The following ACTL8 variants were observed in gnomAD, a reference collection of about 807,000 sequenced individuals.
ACTL8 encodes actin-like protein 8.
In ACTL8, 3 loss-of-function variants were observed where a neutral mutation model predicts 9.3. That is an observed-to-expected ratio of 0.32 (90% CI 0.15 to 0.83). ACTL8 has a LOEUF of 0.83. ACTL8 is among the 40% of genes least tolerant of loss of function. The pLI is 0.57. For missense variants in ACTL8, 381 were observed against 492.2 expected (o/e 0.77, Z 2.14); for synonymous variants, 224 against 205.9 (o/e 1.09, Z -0.75).
At chr1:17,811,938 G>C (rs2066395684) in intron 1 of ACTL8, among the ~76,000 whole-genome samples, 1 of 151,350 alleles carries the variant, frequency 6.6e-6, no homozygotes, top group Non-Finnish European at 1.5e-5. Context: ...TCTGATGTCA[G>C]CTCACTGCAG....
At position 17,825,542 on chromosome 1, in the gene ACTL8, T is replaced by C. The variant is rs910734012; in HGVS notation, c.349-225T>C. Among the ~76,000 whole-genome samples, 34 of 152,330 alleles carry C rather than the reference T, an allele frequency of 2.2e-4. 1 individual carries two copies. The highest frequency in any genetic ancestry group is 2.0e-3 in the Admixed American group (30 of 15,310). ...TCTCACCTCTTCACCGAAGTGGTCT[T>C]CTGAACAGCCACGACCAGACAAGCT... On this transcript the variant is annotated intron_variant, in intron 2 of 2. Transcript: ENST00000375406.
At position 17,823,360 on chromosome 1, in the gene ACTL8, A is replaced by T. The variant is rs771216444; in HGVS notation, c.348+4A>T. Reference sequence around the variant, plus strand: ...GGACCGAAAGAAGATGCTGGAGGTGAGGCCTGCCGGGGCCTGCTCCCACTC... The same window carrying T: ...GGACCGAAAGAAGATGCTGGAGGTGTGGCCTGCCGGGGCCTGCTCCCACTC... On this transcript the variant is annotated splice_donor_region_variant and intron_variant, in intron 2 of 2. Transcript: ENST00000375406. The surrounding 1 kb of genome is among the most constrained non-coding windows in gnomAD (Gnocchi z 5.3). 2 of 1,609,880 alleles carry T rather than the reference A, an allele frequency of 1.2e-6. No individual in the cohort carries two copies. Among genetic ancestry groups the T allele is most frequent in the East Asian group, 4.5e-5 (2 of 44,826 alleles).
At chr1:17,812,827 T>A (rs1301287802) in intron 1 of ACTL8, among the ~76,000 whole-genome samples, 2 of 152,152 alleles carry the variant, frequency 1.3e-5, no homozygotes, top group African/African-American at 2.4e-5. Flanking sequence ...ATTTATTTCA[T>A]CAGTATTTTG....
chr1:17,798,558 C>T (rs904750606), intron 1 of ACTL8, among the ~76,000 whole-genome samples: 2 of 152,148 alleles, frequency 1.3e-5, no homozygotes, highest in Non-Finnish European at 2.9e-5. Flanking sequence ...CTTGGGAGTT[C>T]TGTTTTAAGA....
rs3063168 is a variant in ACTL8, at chr1:17,796,306, CTGTG to C, written c.-24-26651_-24-26648del. Reference sequence around the variant, plus strand: ...AGGATGGCTCTGTGCATGCGTGCACCTGTGTGTGTGTGTGTGTGTGTGTGTGTGT... The same window carrying C: ...AGGATGGCTCTGTGCATGCGTGCACCTGTGTGTGTGTGTGTGTGTGTGTGT... On this transcript the variant is annotated intron_variant, in intron 1 of 2. Transcript: ENST00000375406. 1.3e-3 allele frequency among the ~76,000 whole-genome samples: 193 copies of C among 148,050 alleles called. 1 individual carries two copies. Among genetic ancestry groups the C allele is most frequent in the African/African-American group, 4.4e-3 (179 of 40,254 alleles).
At chr1:17,816,067 C>T (rs1482501198) in intron 1 of ACTL8, among the ~76,000 whole-genome samples, 1 of 152,156 alleles carries the variant, frequency 6.6e-6, no homozygotes, top group Non-Finnish European at 1.5e-5. Context: ...GTTAACACAT[C>T]CATTACCTCT....
At chr1:17,802,849 G>C (rs147268763) in intron 1 of ACTL8, among the ~76,000 whole-genome samples, 6,585 of 152,142 alleles carry the variant, frequency 0.043, 492 homozygotes, top group African/African-American at 0.15. Context: ...GCTGGGCGTG[G>C]TGGTGGGCAC....
intron 1 of ACTL8, among the ~76,000 whole-genome samples, chr1:17,796,604 C>G (rs767376645): frequency 3.3e-5 from 5 of 152,194 alleles, no homozygotes; most frequent in African/African-American, 7.2e-5. Context: ...CCCTCCACCC[C>G]CTCTGGGGTA....
chr1:17,784,854 C>T (rs1473552557), intron 1 of ACTL8, among the ~76,000 whole-genome samples: 3 of 152,096 alleles, frequency 2.0e-5, no homozygotes, highest in Admixed American at 6.5e-5. Context: ...AAGACATACC[C>T]GAGACTTGGC....
intron 1 of ACTL8, among the ~76,000 whole-genome samples, chr1:17,803,970 T>C (rs1009449115): frequency 6.2e-4 from 94 of 152,338 alleles, no homozygotes; most frequent in African/African-American, 2.2e-3. Context: ...GGTCCTCATA[T>C]GGCCTAAGTG....
At chr1:17,772,758 C>T (rs746907627) in intron 1 of ACTL8, among the ~76,000 whole-genome samples, 5 of 152,180 alleles carry the variant, frequency 3.3e-5, no homozygotes, top group South Asian at 4.1e-4. Context: ...GTAAGTCCCA[C>T]GTGCTCTGGA....
chr1:17,796,897 C>A (rs897016769), intron 1 of ACTL8, among the ~76,000 whole-genome samples: 1 of 152,240 alleles, frequency 6.6e-6, no homozygotes, highest in African/African-American at 2.4e-5. Flanking sequence ...AGCACCGGCA[C>A]TGCCGTGGCA....
At chr1:17,805,428 C>T (rs544295584) in intron 1 of ACTL8, among the ~76,000 whole-genome samples, 2 of 139,776 alleles carry the variant, frequency 1.4e-5, no homozygotes, top group East Asian at 2.1e-4. Context: ...CTCTGTCACC[C>T]AGGCTGGAGT....
At position 17,767,352 on chromosome 1, in the gene ACTL8, A is replaced by C. The variant is rs1034344862; in HGVS notation, c.-25+11848A>C. Among the ~76,000 whole-genome samples the C allele has an allele frequency of 6.6e-6, 1 of 151,976 alleles. No homozygotes were observed. The highest frequency in any genetic ancestry group is 1.5e-5 in the Non-Finnish European group (1 of 67,958). On this transcript the variant is annotated intron_variant, in intron 1 of 2. Coordinates refer to ENST00000375406, the MANE Select transcript of ACTL8 (RefSeq NM_030812.3). This position sits in a 1 kb window ranked among gnomAD's most constrained non-coding sequence, Gnocchi z 4.7. Reference sequence around the variant, plus strand: ...GGGATGAGGCGGAGGCAGGGGGGCCAGTGTGGGGGCCGTCCCTGTGGTACA... The same window carrying C: ...GGGATGAGGCGGAGGCAGGGGGGCCCGTGTGGGGGCCGTCCCTGTGGTACA...
At chr1:17,814,771 T>C (rs1016614018) in intron 1 of ACTL8, among the ~76,000 whole-genome samples, 8 of 152,062 alleles carry the variant, frequency 5.3e-5, no homozygotes, top group African/African-American at 1.5e-4. Context: ...CATACCATTA[T>C]GTTACAATCG....
chr1:17,762,485 G>A (rs907381602), intron 1 of ACTL8, among the ~76,000 whole-genome samples: 1 of 152,154 alleles, frequency 6.6e-6, no homozygotes, highest in Admixed American at 6.5e-5. Context: ...TCACACCTGG[G>A]CCGGGAGCCA....
At chr1:17,766,844 GTTCA>G (rs372363403) in intron 1 of ACTL8, among the ~76,000 whole-genome samples, 8 of 152,120 alleles carry the variant, frequency 5.3e-5, no homozygotes, top group Admixed American at 1.3e-4. Context: ...GTGTTCATTT[GTTCA>G]TTCATTCCTA....
rs1014734263 is a variant in ACTL8 at position 17,767,942 on chromosome 1, G to T, written c.-25+12438G>T. 6.6e-6 allele frequency among the ~76,000 whole-genome samples: 1 copy of T among 152,018 alleles called. No individual in the cohort carries two copies. The highest frequency in any genetic ancestry group is 1.5e-5 in the Non-Finnish European group (1 of 67,984). ...TGGGTGCTCGTGAATCCCTCTGGTG[G>T]GACTGGGTGTCTGTGGGTTCAGTCC... On this transcript the variant is annotated intron_variant, in intron 1 of 2. Transcript: ENST00000375406. This position sits in a 1 kb window ranked among gnomAD's most constrained non-coding sequence, Gnocchi z 4.7.
intron 1 of ACTL8, among the ~76,000 whole-genome samples, chr1:17,795,824 A>C (rs113634318): frequency 5.9e-4 from 90 of 152,312 alleles, no homozygotes; most frequent in African/African-American, 2.0e-3. Flanking sequence ...AGTGCAATAC[A>C]TGTGCAAGGC....
Sources: gnomAD v4.1 joint callset for allele counts (sites outside exome capture counted in the v4.1 genomes callset) on GRCh38, gnomAD v4.1.1 for gene constraint, Gnocchi (gnomAD v3.1) non-coding constraint, MANE v1.5 for transcripts, NCBI Gene and HGNC (gene_info 2026-07-23, HGNC 2026-07-21) for gene names.